The following STXBP6 variants were observed in gnomAD, a reference collection of about 807,000 sequenced individuals.
STXBP6 encodes syntaxin binding protein 6.
In STXBP6, 21 loss-of-function variants were observed where a neutral mutation model predicts 26.9. The ratio of observed to expected loss-of-function variants is 0.78; its 90% CI spans 0.55 to 1.12. The LOEUF is 1.12. Among genes scored for constraint, STXBP6 ranks in the 50% most tolerant of loss-of-function variants. STXBP6 has a pLI of 0.00. For synonymous variants in STXBP6, 97 were observed against 92.6 expected (o/e 1.05, Z -0.27); for missense variants, 232 against 257.9 (o/e 0.90, Z 0.69).
intron 2 of STXBP6, among the ~76,000 whole-genome samples, chr14:24,948,235 C>G (rs1048812854): frequency 1.3e-5 from 2 of 152,060 alleles, no homozygotes; most frequent in African/African-American, 4.8e-5. Context: ...AAAGGCAAGG[C>G]TTCACTGAGG....
intron 2 of STXBP6, among the ~76,000 whole-genome samples, chr14:24,921,562 C>T (rs1184190037): frequency 1.3e-5 from 2 of 152,100 alleles, no homozygotes; most frequent in African/African-American, 4.8e-5. Flanking sequence ...GTAGAAGGCT[C>T]ATCCAATTCA....
intron 2 of STXBP6, among the ~76,000 whole-genome samples, chr14:24,899,804 A>AGC (rs1441054025): frequency 0.23 from 10,024 of 44,372 alleles, 544 homozygotes; most frequent in African/African-American, 0.29. Context: ...AAAAAAGCAA[A>AGC]AAAAAAAAAA....
intron 2 of STXBP6, among the ~76,000 whole-genome samples, chr14:24,893,495 C>T (rs1182884453): frequency 1.3e-5 from 2 of 152,170 alleles, no homozygotes; most frequent in Non-Finnish European, 2.9e-5. Context: ...CTGTCTTGCT[C>T]AGTTGGGAAA....
chr14:24,923,603 TA>T (rs1201932202), intron 2 of STXBP6, among the ~76,000 whole-genome samples: 1 of 152,152 alleles, frequency 6.6e-6, no homozygotes, highest in Non-Finnish European at 1.5e-5. Context: ...CACCATTGCT[TA>T]CACTACAAAA....
At chr14:24,866,787 G>A (rs2069737997) in intron 2 of STXBP6, among the ~76,000 whole-genome samples, 1 of 151,368 alleles carries the variant, frequency 6.6e-6, no homozygotes. Flanking sequence ...GACATACCAT[G>A]GTAATGGGTC....
Position 25,020,425 on chromosome 14 carries a change from T to C in STXBP6, c.-33+29453A>G, listed in dbSNP as rs568615100. Among the ~76,000 whole-genome samples the C allele has an allele frequency of 1.9e-4, 29 of 152,264 alleles. No individual in the cohort carries two copies. The South Asian group carries it at 5.0e-3, about 26-fold the overall frequency. ...CAAAGGTAAGGAGGTTTAGAGGAAA[T>C]AGAAAATCTGTTCTTAACAAATAAC... On this transcript the variant is annotated intron_variant, in intron 1 of 5. Coordinates refer to ENST00000323944, the MANE Select transcript of STXBP6 (RefSeq NM_001394410.1).
At chr14:24,945,562 C>G (rs2072958680) in intron 2 of STXBP6, among the ~76,000 whole-genome samples, 1 of 151,682 alleles carries the variant, frequency 6.6e-6, no homozygotes, top group Non-Finnish European at 1.5e-5. Flanking sequence ...AGAGGGAGAC[C>G]CTGTCTCAAA....
intron 2 of STXBP6, among the ~76,000 whole-genome samples, chr14:24,925,114 AT>A (rs768962721): frequency 5.3e-5 from 8 of 152,230 alleles, no homozygotes; most frequent in Admixed American, 1.3e-4. Context: ...GTAAAGATAT[AT>A]GGGTGAGACT....
chr14:24,952,768 C>T (rs906803235), intron 2 of STXBP6, among the ~76,000 whole-genome samples: 1 of 152,146 alleles, frequency 6.6e-6, no homozygotes, highest in African/African-American at 2.4e-5. Flanking sequence ...GTTGTTTTCC[C>T]TCTTGATTTA....
intron 1 of STXBP6, among the ~76,000 whole-genome samples, chr14:25,001,627 T>G (rs907313278): frequency 1.3e-5 from 2 of 152,252 alleles, no homozygotes; most frequent in African/African-American, 4.8e-5. Flanking sequence ...TGTTCTTGCA[T>G]GTTGTCTATT....
chr14:24,979,054 G>C (rs1170508885), intron 1 of STXBP6, among the ~76,000 whole-genome samples: 1 of 152,172 alleles, frequency 6.6e-6, no homozygotes, highest in African/African-American at 2.4e-5. Context: ...TAGTTCTAGG[G>C]AAGTATAGTC....
chr14:24,890,735 T>C (rs970697503), intron 2 of STXBP6, among the ~76,000 whole-genome samples: 9 of 152,236 alleles, frequency 5.9e-5, no homozygotes, highest in African/African-American at 1.9e-4. Flanking sequence ...TCAAAAAATG[T>C]ATTCCTTTGA....
chr14:24,919,965 G>A (rs1192054570), intron 2 of STXBP6, among the ~76,000 whole-genome samples: 1 of 151,976 alleles, frequency 6.6e-6, no homozygotes, highest in Non-Finnish European at 1.5e-5. Context: ...GTGCTCTTGC[G>A]AAGAATGTAA....
intron 1 of STXBP6, among the ~76,000 whole-genome samples, chr14:25,003,527 C>G (rs1156601395): frequency 1.3e-5 from 2 of 152,276 alleles, no homozygotes; most frequent in African/African-American, 2.4e-5. Context: ...ACCTAAGGTA[C>G]AAACCTAGCT....
chr14:24,957,327 G>GA (rs1477038682), intron 2 of STXBP6, among the ~76,000 whole-genome samples: 3 of 152,098 alleles, frequency 2.0e-5, no homozygotes, highest in Admixed American at 6.6e-5. Context: ...TTGCCCTTTA[G>GA]AAAAAATCGG....
At chr14:24,906,837 A>G (rs1345303982) in intron 2 of STXBP6, among the ~76,000 whole-genome samples, 1 of 152,206 alleles carries the variant, frequency 6.6e-6, no homozygotes, top group Non-Finnish European at 1.5e-5. Flanking sequence ...ATGCCCTCTA[A>G]GAGGAAAAAC....
At chr14:25,023,372 A>AT (rs1413739118) in intron 1 of STXBP6, among the ~76,000 whole-genome samples, 3 of 151,768 alleles carry the variant, frequency 2.0e-5, no homozygotes, top group Non-Finnish European at 2.9e-5. Flanking sequence ...GTTTTCAAAT[A>AT]TTTTTTACAA....
chr14:24,826,048 T>C (rs1015722652), intron 4 of STXBP6, among the ~76,000 whole-genome samples: 2 of 152,206 alleles, frequency 1.3e-5, no homozygotes, highest in African/African-American at 4.8e-5. Context: ...TGGGTTATGT[T>C]TGCTGACAAA....
chr14:25,049,683 C>A lies in STXBP6; in HGVS notation c.-33+195G>T, dbSNP rs2075775951. ...TCTCTGCGCGCACAAAGCAGCTGCG[C>A]CGGGGCGCGCGGCCCCCTCTCCCGC... On this transcript the variant is annotated intron_variant, in intron 1 of 5. Transcript: ENST00000323944. This position sits in a 1 kb window ranked among gnomAD's most constrained non-coding sequence, Gnocchi z 5.6. 1.0e-6 allele frequency: 1 copy of A among 985,894 alleles called. No individual in the cohort carries two copies. Among genetic ancestry groups the A allele is most frequent in the Non-Finnish European group, 1.2e-6 (1 of 830,350 alleles). The allele number at this position is 985,894 out of a possible 1,614,324, so 61.1% of individuals were successfully genotyped here.
Sources: allele counts gnomAD v4.1 joint callset (sites outside exome capture counted in the v4.1 genomes callset), GRCh38; gene constraint gnomAD v4.1.1; non-coding constraint Gnocchi (gnomAD v3.1); transcripts MANE v1.5; gene names NCBI Gene and HGNC (gene_info 2026-07-23, HGNC 2026-07-21).